The following EIF3C variants were observed in gnomAD, a reference collection of about 807,000 sequenced individuals.
The protein encoded by EIF3C is cell migration-inducing protein 17.
In EIF3C, 2 loss-of-function variants were observed where a neutral mutation model predicts 11.1. The observed-to-expected ratio is 0.18, with a 90% CI of 0.07 to 0.57. The LOEUF is 0.57. Ranked by LOEUF, EIF3C falls within the 20% of genes least tolerant of loss-of-function variation. EIF3C has a pLI of 0.92. For synonymous variants in EIF3C, 2 were observed against 41.5 expected, an observed-to-expected ratio of 0.05 and a Z score of 3.66; for missense variants, 16 against 114.6, an observed-to-expected ratio of 0.14 and a Z score of 3.93.
chr16:28,697,749 C>T lies in EIF3C; in HGVS notation c.-31+8921C>T, dbSNP rs1342706504. ...GGTGGCCGGTCAGAGGGGCTCCTCA[C>T]TTCCCAGTAGGGGTGGCCGGGCAGA... On this transcript the variant is annotated intron_variant, in intron 1 of 20. Transcript: ENST00000566501. Among the ~76,000 whole-genome samples the T allele has an allele frequency of 3.1e-4, 29 of 93,344 alleles. 7 individuals are homozygous for T. The East Asian group carries it at 5.4e-3, about 18-fold the overall frequency. 61.2% of individuals were successfully genotyped at this position (93,344 alleles called of 152,430 possible).
In EIF3C at chr16:28,699,482, C is replaced by G. The variant is rs867070590; in HGVS notation, c.-31+10654C>G. 4.9e-3 allele frequency among the ~76,000 whole-genome samples: 419 copies of G among 84,658 alleles called. 1 individual carries two copies. Among genetic ancestry groups the G allele is most frequent in the African/African-American group, 0.022 (330 of 14,862 alleles). The allele number at this position is 84,658 out of a possible 152,430, so 55.5% of individuals were successfully genotyped here. On this transcript the variant is annotated intron_variant, in intron 1 of 20. Transcript: ENST00000566501. ...AGGGAGACGGAGACGGAGACGGAGACGGAGAGGGAGAGGGAGAGGGAGAGG... is the reference window on the plus strand; with the variant it reads ...AGGGAGACGGAGACGGAGACGGAGAGGGAGAGGGAGAGGGAGAGGGAGAGG...
chr16:28,712,271 ATT>A (rs1344940308), intron 2 of EIF3C: 5 of 61,576 alleles, frequency 8.1e-5, no homozygotes, highest in Non-Finnish European at 1.1e-4. Context: ...CTGTACATTA[ATT>A]TTTTTTTTTT....
chr16:28,697,963 A>C (rs1174549428), intron 1 of EIF3C, among the ~76,000 whole-genome samples: 5 of 65,840 alleles, frequency 7.6e-5, no homozygotes, highest in Non-Finnish European at 1.1e-4. Context: ...GGCGCCCCTC[A>C]CCTCCCGGGC....
In EIF3C at chr16:28,728,474, GTTGT is replaced by G. The variant is rs1215015992; in HGVS notation, c.1818+1230_1818+1233del. ...GGGGGTGTGTGTGTATCTTTTAGGG[GTTGT>G]GTGTGTATCTTTTAGGGGGTGTGTG... On this transcript the variant is annotated intron_variant, in intron 15 of 20. Transcript: ENST00000331666. 9.0e-5 allele frequency among the ~76,000 whole-genome samples: 7 copies of G among 77,848 alleles called. No homozygotes were observed. In the South Asian group the frequency reaches 1.5e-3, roughly 17 times the overall value. The allele number at this position is 77,848 out of a possible 152,430, so 51.1% of individuals were successfully genotyped here.
At chr16:28,718,638 T>TG (rs2048328701) in intron 8 of EIF3C, among the ~76,000 whole-genome samples, 1 of 106,430 alleles carries the variant, frequency 9.4e-6, no homozygotes, top group Non-Finnish European at 1.8e-5. Context: ...TTTTTTTTTT[T>TG]GAGACAGAGT....
intron 1 of EIF3C, among the ~76,000 whole-genome samples, chr16:28,696,104 G>C (rs1483805176): frequency 1.9e-5 from 1 of 51,810 alleles, no homozygotes; most frequent in Non-Finnish European, 3.5e-5. Flanking sequence ...GGTGGCTCAG[G>C]CCTGTAATCC....
chr16:28,729,996 A>G (rs1044975678), intron 15 of EIF3C, among the ~76,000 whole-genome samples: 2 of 150,394 alleles, frequency 1.3e-5, no homozygotes, highest in Non-Finnish European at 3.0e-5. Context: ...CCTTCATTCT[A>G]TTCATATAAT....
intron 1 of EIF3C, among the ~76,000 whole-genome samples, chr16:28,698,471 A>G (rs77914481): frequency 0.52 from 29,894 of 57,742 alleles, 10,574 homozygotes; most frequent in South Asian, 0.66. Context: ...ACGGCTGGCC[A>G]GGCGGAGGGG....
chr16:28,698,225 C>CCCTA (rs2048253608), intron 1 of EIF3C, among the ~76,000 whole-genome samples: 1 of 127,412 alleles, frequency 7.8e-6, no homozygotes, highest in African/African-American at 3.0e-5. Flanking sequence ...CCCCTCACCT[C>CCCTA]CCGGACGGGG....
chr16:28,729,928 T>C (rs1178260997), intron 15 of EIF3C, among the ~76,000 whole-genome samples: 1 of 150,492 alleles, frequency 6.6e-6, no homozygotes, highest in Non-Finnish European at 1.5e-5. Context: ...CACTGCACTC[T>C]AGCCTGGGCA....
At chr16:28,699,973 A>C in intron 1 of EIF3C, among the ~76,000 whole-genome samples, 1 of 41,878 alleles carries the variant, frequency 2.4e-5, no homozygotes, top group Non-Finnish European at 4.5e-5. Context: ...GTGGCTGGGG[A>C]CCCTCCCCTC....
chr16:28,712,297 A>C (rs962326265), intron 2 of EIF3C: 1 of 66,482 alleles, frequency 1.5e-5, no homozygotes, highest in African/African-American at 5.2e-5. Context: ...CCTTTGGAAC[A>C]ATAGAATGGT....
At chr16:28,718,614 GTTTTTTTTTTT>G (rs576228155) in intron 8 of EIF3C, among the ~76,000 whole-genome samples, 1 of 45,270 alleles carries the variant, frequency 2.2e-5, no homozygotes, top group Non-Finnish European at 3.3e-5. Flanking sequence ...CTTGTTTAAA[GTTTTTTTTTTT>G]TTTTTTTTTT....
intron 1 of EIF3C, among the ~76,000 whole-genome samples, chr16:28,696,124 G>C (rs1312063816): frequency 1.9e-5 from 1 of 51,770 alleles, no homozygotes; most frequent in Non-Finnish European, 3.5e-5. Context: ...CTAGCATTTT[G>C]GGAGGCCGAG....
rs556965986 is a variant in EIF3C, at chr16:28,699,471, G to A, written c.-31+10643G>A. On this transcript the variant is annotated intron_variant, in intron 1 of 20. Transcript: ENST00000566501. ...ACCGTGGGGAGAGGGAGACGGAGAC[G>A]GAGACGGAGACGGAGAGGGAGAGGG... Among the ~76,000 whole-genome samples, 142 of 90,516 alleles carry A rather than the reference G, an allele frequency of 1.6e-3. 1 individual carries two copies. The East Asian group carries it at 0.017, about 11-fold the overall frequency. 59.4% of individuals were successfully genotyped at this position (90,516 alleles called of 152,430 possible).
At chr16:28,733,948 T>TG (rs1446990685) in intron 16 of EIF3C, among the ~76,000 whole-genome samples, 1 of 100,768 alleles carries the variant, frequency 9.9e-6, no homozygotes, top group African/African-American at 2.9e-5. Context: ...TGGAGTGCAG[T>TG]GGCAAGATCT....
chr16:28,712,271 AT>A (rs1344940308), intron 2 of EIF3C: 186 of 61,496 alleles, frequency 3.0e-3, no homozygotes, highest in Admixed American at 4.6e-3. Flanking sequence ...CTGTACATTA[AT>A]TTTTTTTTTT....
chr16:28,723,449 A>G lies in EIF3C; in HGVS notation c.938A>G (p.Glu313Gly), dbSNP rs752698283. 1 of 1,611,394 alleles carries G rather than the reference A, an allele frequency of 6.2e-7. No homozygotes were observed. Among genetic ancestry groups the G allele is most frequent in the Non-Finnish European group, 8.5e-7 (1 of 1,178,220 alleles). ...RVRGGVPLVKEKPKMFAKGTE... is the reference protein window; with the variant it reads ...RVRGGVPLVKGKPKMFAKGTE... ...ATGACGGGATATGTGCTGATACAGG[A>G]GAAGCCAAAAATGTTTGCCAAGGGA... The change falls in exon 10 of 21, where the codon GAG becomes GGG. Residue 313 changes from glutamate to glycine, a missense_variant and splice_region_variant. Physicochemically the swap from Glu to Gly is moderately conservative, Grantham distance 98. Coordinates refer to ENST00000331666, the MANE Select transcript of EIF3C (RefSeq NM_003752.5).
At chr16:28,698,533 AC>A (rs1365931237) in intron 1 of EIF3C, among the ~76,000 whole-genome samples, 18 of 52,856 alleles carry the variant, frequency 3.4e-4, no homozygotes, top group Non-Finnish European at 4.8e-4. Flanking sequence ...CGGGGGGCTG[AC>A]CCCCCCCACC....
Sources: allele counts gnomAD v4.1 joint callset (sites outside exome capture counted in the v4.1 genomes callset), GRCh38; gene constraint gnomAD v4.1.1; transcripts MANE v1.5; gene names NCBI Gene and HGNC (gene_info 2026-07-23, HGNC 2026-07-21).